KCNH8: variants seen among roughly 807,000 people sequenced by gnomAD.
KCNH8 encodes potassium voltage-gated channel subfamily H member 8, also known as voltage-gated delayed rectifier potassium channel KCNH8.
In KCNH8, 70 loss-of-function variants were observed where a neutral mutation model predicts 103.6. The ratio of observed to expected loss-of-function variants is 0.68; its 90% CI spans 0.56 to 0.82. KCNH8 has a LOEUF of 0.82. Ranked by LOEUF, KCNH8 falls within the 40% of genes least tolerant of loss-of-function variation. KCNH8 has a pLI of 0.00. For missense variants in KCNH8, 1,217 were observed against 1,329.9 expected (o/e 0.92, Z 1.32); for synonymous variants, 498 against 489.4 (o/e 1.02, Z -0.23).
intron 3 of KCNH8, among the ~76,000 whole-genome samples, chr3:19,285,634 GT>G (rs1297827224): frequency 4.0e-5 from 6 of 151,604 alleles, no homozygotes; most frequent in African/African-American, 1.5e-4. Flanking sequence ...TCATAACTCT[GT>G]GAAATAAGTA....
rs138749778 is a variant in KCNH8, at chr3:19,418,973, C to T, written c.1178-19191C>T. ...TTTGGCATTTATAAAGAATTTCCAC[C>T]GGAATACATTCCCCATATGAGATGT... is the stretch of plus-strand genomic sequence containing the variant. On this transcript the variant is annotated intron_variant, in intron 7 of 15. Coordinates refer to ENST00000328405, the MANE Select transcript of KCNH8 (RefSeq NM_144633.3). 1.4e-3 allele frequency among the ~76,000 whole-genome samples: 212 copies of T among 152,044 alleles called. 2 individuals are homozygous for T. The highest frequency in any genetic ancestry group is 4.1e-3 in the African/African-American group (172 of 41,506).
rs572898887 is a variant in KCNH8 at position 19,454,613 on chromosome 3, A to T, written c.1826-2155A>T. On this transcript the variant is annotated intron_variant, in intron 10 of 15. Transcript: ENST00000328405. ...TGACACTAGAGCACAATAAGTACAG[A>T]TTTAGTGGCTTCTATGTAACTTCCA... is the stretch of plus-strand genomic sequence containing the variant. 1.8e-3 allele frequency among the ~76,000 whole-genome samples: 270 copies of T among 152,278 alleles called. 2 individuals carry two copies. Among genetic ancestry groups the T allele is most frequent in the Admixed American group, 3.9e-3 (59 of 15,268 alleles).
intron 15 of KCNH8, among the ~76,000 whole-genome samples, chr3:19,518,387 T>A (rs1225637815): frequency 6.6e-6 from 1 of 152,068 alleles, no homozygotes; most frequent in Non-Finnish European, 1.5e-5. Context: ...ATATTTGGTT[T>A]AATTGGTACA....
chr3:19,515,867 C>T (rs867215786), intron 14 of KCNH8, among the ~76,000 whole-genome samples: 8 of 151,940 alleles, frequency 5.3e-5, no homozygotes, highest in South Asian at 2.1e-4. Context: ...TAAATAACTT[C>T]GGAAAGGTAT....
rs1192304255 is a variant in KCNH8 at position 19,197,314 on chromosome 3, GT to G, written c.76+48523del. Among the ~76,000 whole-genome samples, 7 of 151,984 alleles carry G rather than the reference GT, an allele frequency of 4.6e-5. No individual in the cohort carries two copies. The South Asian group carries it at 1.5e-3, about 32-fold the overall frequency. On this transcript the variant is annotated intron_variant, in intron 1 of 15. Coordinates refer to ENST00000328405, the MANE Select transcript of KCNH8 (RefSeq NM_144633.3). Reference sequence around the variant, plus strand: ...AGTCATCTTTGTTTTCTCGGATTTAGTTTTCTCTGTTATGAGGCCTTCTTGT... The same window carrying G: ...AGTCATCTTTGTTTTCTCGGATTTAGTTTCTCTGTTATGAGGCCTTCTTGT...
chr3:19,182,472 CG>C, intron 1 of KCNH8, among the ~76,000 whole-genome samples: 1 of 152,162 alleles, frequency 6.6e-6, no homozygotes, highest in East Asian at 1.9e-4. Flanking sequence ...CAGAGCTTGC[CG>C]TGAGCCAAGA....
At chr3:19,402,652 C>T (rs1038994856) in intron 7 of KCNH8, among the ~76,000 whole-genome samples, 1 of 151,816 alleles carries the variant, frequency 6.6e-6, no homozygotes, top group Non-Finnish European at 1.5e-5. Context: ...TTCGTGTTCT[C>T]CACGATACTG....
At chr3:19,149,147 C>G (rs548954137) in intron 1 of KCNH8, among the ~76,000 whole-genome samples, 1 of 152,108 alleles carries the variant, frequency 6.6e-6, no homozygotes, top group Non-Finnish European at 1.5e-5. Flanking sequence ...TGTACCTAAT[C>G]TTTCTAGAGT....
At chr3:19,441,793 A>G (rs574643786) in intron 8 of KCNH8, among the ~76,000 whole-genome samples, 15 of 152,292 alleles carry the variant, frequency 9.8e-5, no homozygotes, top group African/African-American at 3.6e-4. Context: ...GAACCTTATA[A>G]TAGGAGATGG....
chr3:19,274,607 G>A (rs1428106348), intron 2 of KCNH8, among the ~76,000 whole-genome samples: 1 of 152,072 alleles, frequency 6.6e-6, no homozygotes, highest in Non-Finnish European at 1.5e-5. Context: ...GATGTTGGAT[G>A]TATTGACTAA....
At chr3:19,326,837 G>A (rs745790127) in intron 3 of KCNH8, among the ~76,000 whole-genome samples, 5 of 152,108 alleles carry the variant, frequency 3.3e-5, no homozygotes, top group African/African-American at 4.8e-5. Context: ...ATGATTCTGT[G>A]GGTTAGCTAC....
In KCNH8 at chr3:19,150,370, C is replaced by T. The variant is rs1037647695; in HGVS notation, c.76+1575C>T. 4.6e-5 allele frequency among the ~76,000 whole-genome samples: 7 copies of T among 151,546 alleles called. 1 individual carries two copies. Among genetic ancestry groups the T allele is most frequent in the Middle Eastern group, 6.8e-3 (2 of 294 alleles). On this transcript the variant is annotated intron_variant, in intron 1 of 15. Transcript: ENST00000328405. Reference sequence around the variant, plus strand: ...GGATGTTTTTTTTTTTGAAGTTGAACATCCAAAACTAAAAGGCTGTAAACA... The same window carrying T: ...GGATGTTTTTTTTTTTGAAGTTGAATATCCAAAACTAAAAGGCTGTAAACA...
chr3:19,379,506 G>C (rs2066259951), intron 5 of KCNH8, among the ~76,000 whole-genome samples: 1 of 152,034 alleles, frequency 6.6e-6, no homozygotes, highest in Non-Finnish European at 1.5e-5. Flanking sequence ...CAGGCGTGGT[G>C]GCATGCACCT....
intron 1 of KCNH8, among the ~76,000 whole-genome samples, chr3:19,187,490 T>C (rs1008182817): frequency 7.2e-5 from 11 of 152,060 alleles, no homozygotes; most frequent in African/African-American, 1.7e-4. Flanking sequence ...TGGGGTTATA[T>C]CACCTCAGTT....
chr3:19,199,452 A>G (rs1559419061), intron 1 of KCNH8, among the ~76,000 whole-genome samples: 1 of 151,944 alleles, frequency 6.6e-6, no homozygotes, highest in Non-Finnish European at 1.5e-5. Context: ...TGTAATACCA[A>G]AAATTCTTGT....
chr3:19,327,959 T>C (rs2065453182), intron 3 of KCNH8, among the ~76,000 whole-genome samples: 1 of 152,204 alleles, frequency 6.6e-6, no homozygotes, highest in African/African-American at 2.4e-5. Flanking sequence ...GCCTAGTGAT[T>C]AACTGAAACT....
At chr3:19,468,222 C>T (rs1338518110) in intron 11 of KCNH8, among the ~76,000 whole-genome samples, 1 of 152,158 alleles carries the variant, frequency 6.6e-6, no homozygotes, top group Non-Finnish European at 1.5e-5. Flanking sequence ...TATACTATAG[C>T]CCCAGTGCCT....
At chr3:19,179,629 C>G (rs1311891304) in intron 1 of KCNH8, among the ~76,000 whole-genome samples, 1 of 152,036 alleles carries the variant, frequency 6.6e-6, no homozygotes, top group Middle Eastern at 3.2e-3. Flanking sequence ...ATAGTAACAG[C>G]TACAATAAAA....
intron 15 of KCNH8, among the ~76,000 whole-genome samples, chr3:19,523,572 G>T (rs1039460700): frequency 3.9e-5 from 6 of 152,056 alleles, no homozygotes; most frequent in African/African-American, 1.4e-4. Context: ...CATCTGGAAT[G>T]TCACTGCTTG....
Sources: gnomAD v4.1 joint callset for allele counts (sites outside exome capture counted in the v4.1 genomes callset) on GRCh38, gnomAD v4.1.1 for gene constraint, MANE v1.5 for transcripts, NCBI Gene and HGNC (gene_info 2026-07-23, HGNC 2026-07-21) for gene names.